ASTN2: variants seen among roughly 807,000 people sequenced by gnomAD.
The protein encoded by ASTN2 is astrotactin 2.
A neutral mutation model predicts 139.8 loss-of-function variants in ASTN2; 54 were observed. The ratio of observed to expected loss-of-function variants is 0.39; its 90% confidence interval spans 0.31 to 0.48. The LOEUF is 0.48. Among genes scored for constraint, ASTN2 ranks in the 20% least tolerant of loss-of-function variants. ASTN2 has a pLI of 0.95. For missense variants in ASTN2, 1,565 were observed against 1,725.1 expected (o/e 0.91, Z 1.64); for synonymous variants, 756 against 719.5 (o/e 1.05, Z -0.81).
chr9:116,767,864 G>T (rs368019299), intron 13 of ASTN2, among the ~76,000 whole-genome samples: 2 of 152,282 alleles, frequency 1.3e-5, no homozygotes, highest in East Asian at 3.9e-4. Flanking sequence ...AAGGAAGAAA[G>T]TCCTCCATTT....
At chr9:117,116,627 T>C (rs1412215577) in intron 4 of ASTN2, among the ~76,000 whole-genome samples, 1 of 150,572 alleles carries the variant, frequency 6.6e-6, no homozygotes, top group Non-Finnish European at 1.5e-5. Context: ...AGGAGAATGG[T>C]GATTCTGGAA....
intron 7 of ASTN2, among the ~76,000 whole-genome samples, chr9:116,989,237 G>A (rs1238092995): frequency 2.0e-5 from 3 of 152,156 alleles, no homozygotes; most frequent in Non-Finnish European, 4.4e-5. Flanking sequence ...TGCACTTTGA[G>A]TGCAATGGGC....
intron 6 of ASTN2, among the ~76,000 whole-genome samples, chr9:117,019,630 C>G (rs1445342022): frequency 6.6e-6 from 1 of 152,042 alleles, no homozygotes; most frequent in East Asian, 1.9e-4. Context: ...CCCTGGGGAT[C>G]AAATAGGACC....
intron 19 of ASTN2, among the ~76,000 whole-genome samples, chr9:116,535,696 C>T (rs989759835): frequency 3.9e-5 from 6 of 152,252 alleles, no homozygotes; most frequent in South Asian, 2.1e-4. Flanking sequence ...CCACTCTCTT[C>T]GGCTTGTAGA....
intron 10 of ASTN2, among the ~76,000 whole-genome samples, chr9:116,902,926 A>G (rs909220424): frequency 6.6e-6 from 1 of 152,158 alleles, no homozygotes; most frequent in Non-Finnish European, 1.5e-5. Context: ...GTCTTTGAAG[A>G]GCCCAGTAGG....
chr9:117,405,667 T>A (rs1564187950), intron 1 of ASTN2, among the ~76,000 whole-genome samples: 1 of 152,170 alleles, frequency 6.6e-6, no homozygotes, highest in Non-Finnish European at 1.5e-5. Flanking sequence ...GATTTCCCCA[T>A]CTTTATATAG....
rs201771609 is a variant in ASTN2 at position 116,830,805 on chromosome 9, AG to A, written c.2041-10023del. ...AGACCCTATGTCAAAAAAAAAAAAA[AG>A]AAGAAGAAGAAAAAAAGAAAGATAC... On this transcript the variant is annotated intron_variant, in intron 11 of 22. Coordinates refer to ENST00000313400, the MANE Select transcript of ASTN2 (RefSeq NM_001365068.1). 2.0e-3 allele frequency among the ~76,000 whole-genome samples: 291 copies of A among 144,950 alleles called. 19 individuals are homozygous for A. The highest frequency in any genetic ancestry group is 3.7e-3 in the Middle Eastern group (1 of 272).
At chr9:117,329,349 C>T (rs1030715054) in intron 1 of ASTN2, among the ~76,000 whole-genome samples, 18 of 151,718 alleles carry the variant, frequency 1.2e-4, no homozygotes, top group African/African-American at 4.1e-4. Flanking sequence ...CAAGTTTTGG[C>T]CAGTGATATG....
intron 3 of ASTN2, among the ~76,000 whole-genome samples, chr9:117,204,960 A>G (rs1480217974): frequency 6.6e-6 from 1 of 152,180 alleles, no homozygotes; most frequent in Non-Finnish European, 1.5e-5. Context: ...TACCCTTTCA[A>G]GGCCATATTT....
intron 6 of ASTN2, among the ~76,000 whole-genome samples, chr9:117,018,030 A>G (rs1837767133): frequency 1.3e-5 from 2 of 151,082 alleles, no homozygotes; most frequent in African/African-American, 4.9e-5. Context: ...GACTTATCCT[A>G]GCAGCTTTTC....
intron 4 of ASTN2, among the ~76,000 whole-genome samples, chr9:117,102,003 A>G (rs1456571794): frequency 6.6e-6 from 1 of 152,162 alleles, no homozygotes. Context: ...CAGAATTACC[A>G]CATGATGCAG....
chr9:116,931,533 G>A (rs886381077), intron 10 of ASTN2, among the ~76,000 whole-genome samples: 2 of 152,128 alleles, frequency 1.3e-5, no homozygotes, highest in Non-Finnish European at 2.9e-5. Context: ...ACTACATTGA[G>A]CAAAAGATTT....
chr9:116,542,116 T>C (rs937881241), intron 19 of ASTN2, among the ~76,000 whole-genome samples: 1 of 152,244 alleles, frequency 6.6e-6, no homozygotes, highest in East Asian at 1.9e-4. Flanking sequence ...GCAATAGTAA[T>C]ATTTAAATGA....
rs1588094666 is a variant in ASTN2, at chr9:116,620,451, A to G, written c.3073-8T>C. 3 of 1,614,070 alleles carry G rather than the reference A, an allele frequency of 1.9e-6. No homozygotes were observed. Among genetic ancestry groups the G allele is most frequent in the African/African-American group, 1.3e-5 (1 of 75,046 alleles). On this transcript the variant is annotated splice_polypyrimidine_tract_variant and splice_region_variant and intron_variant, in intron 17 of 22. Coordinates refer to ENST00000313400, the MANE Select transcript of ASTN2 (RefSeq NM_001365068.1). ...CAGTGCACTCTTGAAGGCCTGGACA[A>G]AAAAAGAGGACAGAATAGACAATGA...
chr9:117,260,668 T>C lies in ASTN2; in HGVS notation c.630+30658A>G, dbSNP rs141699608. 1.3e-3 allele frequency among the ~76,000 whole-genome samples: 200 copies of C among 152,326 alleles called. 1 individual carries two copies. The highest frequency in any genetic ancestry group is 4.4e-3 in the African/African-American group (185 of 41,586). ...AGCTGAAAGGTCCAGATAGTTATACTGTGTAGGGAGTGGTAAGGGAGAAGT... is the reference window on the plus strand; with the variant it reads ...AGCTGAAAGGTCCAGATAGTTATACCGTGTAGGGAGTGGTAAGGGAGAAGT... On this transcript the variant is annotated intron_variant, in intron 2 of 22. Transcript: ENST00000313400.
intron 2 of ASTN2, among the ~76,000 whole-genome samples, chr9:117,216,749 A>G (rs1832334095): frequency 6.6e-6 from 1 of 151,960 alleles, no homozygotes; most frequent in Admixed American, 6.6e-5. Flanking sequence ...AAAGAAGGAG[A>G]GGGAGGGAGT....
chr9:116,608,867 T>A (rs1855356589), intron 19 of ASTN2, among the ~76,000 whole-genome samples: 1 of 152,000 alleles, frequency 6.6e-6, no homozygotes, highest in African/African-American at 2.4e-5. Context: ...TGTAACTATA[T>A]CCCATATGTA....
intron 1 of ASTN2, among the ~76,000 whole-genome samples, chr9:117,306,539 G>A (rs1835003681): frequency 6.6e-6 from 1 of 152,124 alleles, no homozygotes; most frequent in South Asian, 2.1e-4. Flanking sequence ...CCTGTAAAAT[G>A]GGAATAGACA....
At chr9:117,196,652 A>G (rs1462470901) in intron 3 of ASTN2, among the ~76,000 whole-genome samples, 1 of 152,224 alleles carries the variant, frequency 6.6e-6, no homozygotes, top group Non-Finnish European at 1.5e-5. Context: ...GAGAGCAGAG[A>G]AAAGCTTGCA....
Sources: allele counts gnomAD v4.1 joint callset (sites outside exome capture counted in the v4.1 genomes callset), GRCh38; gene constraint gnomAD v4.1.1; transcripts MANE v1.5; gene names NCBI Gene and HGNC (gene_info 2026-07-23, HGNC 2026-07-21).